The following COL13A1 variants were observed in gnomAD, a reference collection of about 807,000 sequenced individuals.
COL13A1 encodes the protein collagen alpha-1(XIII) chain.
Under a neutral mutation model 130.9 loss-of-function variants are expected in COL13A1, and 89 were observed. The ratio of observed to expected loss-of-function variants is 0.68; its 90% confidence interval spans 0.57 to 0.81. The LOEUF (loss-of-function observed/expected upper bound fraction) is 0.81, where lower values mean the gene tolerates loss of function less well. Among genes scored for constraint, COL13A1 ranks in the 30% least tolerant of loss-of-function variants. The pLI, the probability that COL13A1 is intolerant of heterozygous loss-of-function variation, is 0.00. For synonymous variants in COL13A1, 402 were observed against 341.6 expected (o/e 1.18, Z -1.95); for missense variants, 879 against 934.6 (o/e 0.94, Z 0.78).
chr10:69,871,613 G>T (rs535132101), intron 3 of COL13A1, among the ~76,000 whole-genome samples: 1 of 152,228 alleles, frequency 6.6e-6, no homozygotes, highest in East Asian at 1.9e-4. Flanking sequence ...GGATGGACTT[G>T]TCTCCCAGGG....
intron 1 of COL13A1, among the ~76,000 whole-genome samples, chr10:69,821,232 C>T (rs533852774): frequency 3.1e-4 from 47 of 152,278 alleles, no homozygotes; most frequent in African/African-American, 1.1e-3. Flanking sequence ...AAAATATTGG[C>T]AACAAATTCA....
At chr10:69,952,792 T>G in intron 38 of COL13A1, 90 bp from the exon 39 acceptor site, 2 of 946,842 alleles carry the variant, frequency 2.1e-6, no homozygotes, top group Middle Eastern at 2.4e-4. Flanking sequence ...CCCTTTTTAA[T>G]TTTATTTTTC....
Position 69,863,906 on chromosome 10 carries a change from A to G in COL13A1, c.365-3892A>G, listed in dbSNP as rs372165653. 3.9e-4 allele frequency among the ~76,000 whole-genome samples: 59 copies of G among 152,188 alleles called. 1 individual carries two copies. The highest frequency in any genetic ancestry group is 3.1e-3 in the East Asian group (16 of 5,156). On this transcript the variant is annotated intron_variant, in intron 2 of 40. Coordinates refer to ENST00000645393, the MANE Select transcript of COL13A1 (RefSeq NM_001368882.1). ...AGCCTGGGCAACATAGTGAAACTCC[A>G]TCCTTACAAAAAATACAGAAATTAG...
At chr10:69,898,656 G>A (rs778302825) in intron 13 of COL13A1, 41 bp from the exon 14 acceptor site, 1 of 1,583,304 alleles carries the variant, frequency 6.3e-7, no homozygotes, top group Non-Finnish European at 8.6e-7. Flanking sequence ...TGTGATCTTT[G>A]GCCTTTGCCC....
chr10:69,930,602 T>C, intron 30 of COL13A1, 50 bp downstream of exon 30: 14 of 1,577,848 alleles, frequency 8.9e-6, no homozygotes, highest in Non-Finnish European at 1.2e-5. Flanking sequence ...CTCCCAAGCA[T>C]GACGCCAGCT....
At chr10:69,869,940 G>A (rs4117554) in intron 3 of COL13A1, among the ~76,000 whole-genome samples, 36,644 of 152,150 alleles carry the variant, frequency 0.24, 4,473 homozygotes, top group Middle Eastern at 0.3. Flanking sequence ...AACACTTACT[G>A]TGTGTTAGAC....
intron 3 of COL13A1, among the ~76,000 whole-genome samples, chr10:69,868,462 A>T (rs975457985): frequency 6.6e-6 from 1 of 152,200 alleles, no homozygotes; most frequent in Non-Finnish European, 1.5e-5. Context: ...AGAGAACCTG[A>T]GAAGAGCCCA....
chr10:69,898,639 G>A, intron 13 of COL13A1, 58 bp from the exon 14 acceptor site: 3 of 1,522,302 alleles, frequency 2.0e-6, no homozygotes, highest in Non-Finnish European at 2.7e-6. Context: ...GCATCGATCT[G>A]AATACCTGTG....
Position 69,858,927 on chromosome 10 carries a change from C to A in COL13A1, c.365-8871C>A, listed in dbSNP as rs146518713. Among the ~76,000 whole-genome samples the A allele has an allele frequency of 1.0e-3, 158 of 152,326 alleles. 2 individuals are homozygous for A. Among genetic ancestry groups the A allele is most frequent in the African/African-American group, 3.3e-3 (138 of 41,568 alleles). Reference sequence around the variant, plus strand: ...CAAATTACTTAACTTCTCTGCACAGCCACAAGAGCCCCACCTGCAAAACGG... The same window carrying A: ...CAAATTACTTAACTTCTCTGCACAGACACAAGAGCCCCACCTGCAAAACGG... On this transcript the variant is annotated intron_variant, in intron 2 of 40. Transcript: ENST00000645393.
chr10:69,932,689 T>G, intron 31 of COL13A1, 85 bp downstream of exon 31: 7 of 880,490 alleles, frequency 8.0e-6, no homozygotes, highest in Non-Finnish European at 1.3e-5. Context: ...GAATGAAGCT[T>G]GCAACTGCCT....
At chr10:69,859,696 G>T (rs1333087112) in intron 2 of COL13A1, among the ~76,000 whole-genome samples, 1 of 152,232 alleles carries the variant, frequency 6.6e-6, no homozygotes, top group East Asian at 1.9e-4. Flanking sequence ...CAAGGGTCTC[G>T]TCAGGACCAC....
chr10:69,937,873 A>T (rs2067144003), intron 34 of COL13A1, among the ~76,000 whole-genome samples, 158 bp downstream of exon 34: 1 of 152,136 alleles, frequency 6.6e-6, no homozygotes, highest in Admixed American at 6.5e-5. Context: ...ACAGGCTCTG[A>T]TTCTCTTCCT....
At chr10:69,934,037 A>G (rs1277711645) in intron 31 of COL13A1, among the ~76,000 whole-genome samples, 1 of 152,222 alleles carries the variant, frequency 6.6e-6, no homozygotes, top group African/African-American at 2.4e-5. Flanking sequence ...GCATATACAT[A>G]TATGTATATA....
At chr10:69,913,598 C>T (rs2063604903) in intron 17 of COL13A1, among the ~76,000 whole-genome samples, 1 of 152,210 alleles carries the variant, frequency 6.6e-6, no homozygotes, top group African/African-American at 2.4e-5. Context: ...CCACGCCCTC[C>T]CCCTCCCCCG....
intron 30 of COL13A1, among the ~76,000 whole-genome samples, chr10:69,932,272 A>T (rs962772444): frequency 2.6e-5 from 4 of 152,196 alleles, no homozygotes; most frequent in African/African-American, 9.7e-5. Context: ...CATAGAAGTG[A>T]GGTCCCACCA....
At chr10:69,880,397 TC>T in intron 6 of COL13A1, 105 bp from the exon 7 acceptor site, 1 of 743,192 alleles carries the variant, frequency 1.3e-6, no homozygotes. Context: ...GGCCTCCTGC[TC>T]CTGGCCCCCT....
chr10:69,926,968 C>G (rs890914907), intron 26 of COL13A1, 119 bp from the exon 27 acceptor site: 2 of 1,394,686 alleles, frequency 1.4e-6, no homozygotes, highest in Non-Finnish European at 2.0e-6. Flanking sequence ...GCAAGCGTCT[C>G]CCTCCACCCA....
At chr10:69,843,332 A>T (rs1357771494) in intron 2 of COL13A1, among the ~76,000 whole-genome samples, 1 of 152,186 alleles carries the variant, frequency 6.6e-6, no homozygotes, top group Non-Finnish European at 1.5e-5. Flanking sequence ...CCTGGCAACC[A>T]TGGGTTCAAA....
intron 15 of COL13A1, among the ~76,000 whole-genome samples, chr10:69,903,165 G>A (rs565270142): frequency 6.6e-6 from 1 of 152,340 alleles, no homozygotes; most frequent in Non-Finnish European, 1.5e-5. Flanking sequence ...CACCTCTGAT[G>A]GCTATCCCTG....
Sources: gnomAD v4.1 joint callset for allele counts (sites outside exome capture counted in the v4.1 genomes callset) on GRCh38, gnomAD v4.1.1 for gene constraint, MANE v1.5 for transcripts, NCBI Gene and HGNC (gene_info 2026-07-23, HGNC 2026-07-21) for gene names.